COL11A1: variants seen among roughly 807,000 people sequenced by gnomAD.
The protein encoded by COL11A1 is collagen type XI alpha 1 chain.
A neutral mutation model predicts 265.2 loss-of-function variants in COL11A1; 74 were observed. That is an observed-to-expected ratio of 0.28 (90% CI 0.23 to 0.34). COL11A1 has a LOEUF of 0.34. COL11A1 is among the 10% of genes least tolerant of loss of function. The pLI is 1.00. For synonymous variants in COL11A1, 816 were observed against 727.6 expected, an observed-to-expected ratio of 1.12 and a Z score of -1.96; for missense variants, 2,165 against 2,263.6, an observed-to-expected ratio of 0.96 and a Z score of 0.88.
chr1:103,011,929 A>G (rs1557943086), intron 14 of COL11A1, among the ~76,000 whole-genome samples: 1 of 152,152 alleles, frequency 6.6e-6, no homozygotes, highest in Non-Finnish European at 1.5e-5. Flanking sequence ...TCTACAAGAG[A>G]AAATACTCTC....
At chr1:102,972,474 G>A (rs1662061581) in intron 36 of COL11A1, among the ~76,000 whole-genome samples, 1 of 151,956 alleles carries the variant, frequency 6.6e-6, no homozygotes, top group Admixed American at 6.6e-5. Flanking sequence ...TTAATATACT[G>A]CATTAAGAAT....
intron 66 of COL11A1, among the ~76,000 whole-genome samples, chr1:102,879,208 A>G (rs1037291610): frequency 1.1e-4 from 17 of 152,174 alleles, no homozygotes; most frequent in African/African-American, 4.1e-4. Flanking sequence ...TAAGATAGAG[A>G]TAACAATAAT....
Position 103,078,810 on chromosome 1 carries a change from C to G in COL11A1, c.336G>C (p.Gln112His). Reference protein sequence around the residue: ...LFTVKPKKGIQSFLLSIYNEH... With the variant: ...LFTVKPKKGIHSFLLSIYNEH... Reference sequence around the variant, plus strand: ...CATTATATATAGATAAAAGGAAAGACTGAATTCCTTTTTTTGGTTTTACTG... The same window carrying G: ...CATTATATATAGATAAAAGGAAAGAGTGAATTCCTTTTTTTGGTTTTACTG... The change falls in exon 3 of 67, where the codon CAG becomes CAC. Residue 112 changes from glutamine to histidine, a missense_variant. By Grantham distance (24) the Gln-to-His change is conservative (BLOSUM62 0). Coordinates refer to ENST00000370096, the MANE Select transcript of COL11A1 (RefSeq NM_001854.4). 1.9e-6 allele frequency: 3 copies of G among 1,612,262 alleles called. No homozygotes were observed. The highest frequency in any genetic ancestry group is 2.5e-6 in the Non-Finnish European group (3 of 1,178,764).
intron 30 of COL11A1, among the ~76,000 whole-genome samples, chr1:102,986,417 G>T (rs1663551272): frequency 8.9e-6 from 1 of 111,766 alleles, no homozygotes; most frequent in Admixed American, 1.2e-4. Flanking sequence ...CTGTTGTGGG[G>T]TGGGGGGAGG....
At chr1:102,892,883 AATC>A (rs1651944220) in intron 57 of COL11A1, among the ~76,000 whole-genome samples, 1 of 152,088 alleles carries the variant, frequency 6.6e-6, no homozygotes, top group Non-Finnish European at 1.5e-5. Flanking sequence ...GCTTAATAAT[AATC>A]TTCTAATAAG....
At chr1:103,000,162 A>G (rs1018531243) in intron 24 of COL11A1, among the ~76,000 whole-genome samples, 7 of 151,910 alleles carry the variant, frequency 4.6e-5, no homozygotes, top group Admixed American at 3.3e-4. Context: ...AAATCATGGT[A>G]GAAAATTTAA....
intron 3 of COL11A1, among the ~76,000 whole-genome samples, chr1:103,076,748 G>A (rs975168322): frequency 4.6e-5 from 7 of 151,952 alleles, no homozygotes; most frequent in Non-Finnish European, 1.0e-4. Context: ...ATTTATTTTC[G>A]TTCAAAGAAC....
At chr1:103,091,675 A>G (rs1381296716) in intron 1 of COL11A1, among the ~76,000 whole-genome samples, 1 of 152,088 alleles carries the variant, frequency 6.6e-6, no homozygotes, top group Non-Finnish European at 1.5e-5. Flanking sequence ...ATGTGTTGTC[A>G]TTAATAATGC....
intron 1 of COL11A1, among the ~76,000 whole-genome samples, chr1:103,088,737 C>T (rs1337195): frequency 0.31 from 47,123 of 151,940 alleles, 7,577 homozygotes; most frequent in African/African-American, 0.35. Context: ...AGGAGTTCCT[C>T]AGTGAAGAAG....
chr1:102,886,890 T>G lies in COL11A1; in HGVS notation c.4775A>C (p.His1592Pro). 1 of 1,613,880 alleles carries G rather than the reference T, an allele frequency of 6.2e-7. No individual in the cohort carries two copies. Residue 1592 changes from histidine (H) to proline (P), a missense_variant, in exon 63 of 67, where the codon CAT (histidine) becomes CCT (proline). Coordinates refer to ENST00000370096, the MANE Select transcript of COL11A1 (RefSeq NM_001854.4). ...CTGAGTACCCATTGGAAATTTCATA[T>G]GCTCAATGTCTTGTTTCAGGGAATT... ...SLNSLKQDIE[H>P]MKFPMGTQTN...
At chr1:102,963,300 G>A (rs1661094339) in intron 38 of COL11A1, among the ~76,000 whole-genome samples, 2 of 152,218 alleles carry the variant, frequency 1.3e-5, no homozygotes, top group African/African-American at 4.8e-5. Flanking sequence ...TCTAGGGAAT[G>A]TGGCATGGGA....
At chr1:102,903,404 A>T (rs1000271060) in intron 54 of COL11A1, among the ~76,000 whole-genome samples, 5 of 152,204 alleles carry the variant, frequency 3.3e-5, no homozygotes, top group African/African-American at 7.2e-5. Context: ...AATACTTTTG[A>T]ACACATTTCT....
chr1:102,997,209 T>C, intron 25 of COL11A1, 85 bp from the exon 26 acceptor site: 2 of 1,192,350 alleles, frequency 1.7e-6, no homozygotes, highest in South Asian at 1.2e-5. Context: ...TGTTATTAAA[T>C]CTACTAAGAT....
At chr1:102,912,299 C>T in intron 53 of COL11A1, 87 bp from the exon 54 acceptor site, 1 of 998,434 alleles carries the variant, frequency 1.0e-6, no homozygotes, top group Non-Finnish European at 1.5e-6. Flanking sequence ...GGAAACCAAC[C>T]CTCTTTCTTC....
At chr1:102,953,236 A>G (rs1660063563) in intron 41 of COL11A1, among the ~76,000 whole-genome samples, 1 of 152,178 alleles carries the variant, frequency 6.6e-6, no homozygotes, top group Non-Finnish European at 1.5e-5. Flanking sequence ...TCACAAAGGT[A>G]GAGGTTTTTG....
At chr1:103,000,649 A>G (rs1379160845) in intron 24 of COL11A1, among the ~76,000 whole-genome samples, 3 of 151,964 alleles carry the variant, frequency 2.0e-5, no homozygotes, top group Non-Finnish European at 4.4e-5. Context: ...ATCCTCATAC[A>G]TGGTTACTTG....
intron 41 of COL11A1, among the ~76,000 whole-genome samples, chr1:102,947,720 A>G (rs1049272154): frequency 2.0e-5 from 3 of 151,946 alleles, no homozygotes; most frequent in Non-Finnish European, 4.4e-5. Context: ...CTGCTTTTAT[A>G]GTAATTATCT....
At chr1:102,925,089 C>T (rs920946582) in intron 46 of COL11A1, among the ~76,000 whole-genome samples, 1 of 151,836 alleles carries the variant, frequency 6.6e-6, no homozygotes, top group African/African-American at 2.4e-5. Flanking sequence ...AATGTAAAAG[C>T]TCTAAATAAC....
intron 44 of COL11A1, among the ~76,000 whole-genome samples, chr1:102,936,817 C>G (rs1658194518): frequency 6.6e-6 from 1 of 152,010 alleles, no homozygotes; most frequent in Admixed American, 6.6e-5. Context: ...GTGCAATTGA[C>G]CCTTAAGAAA....
Sources: allele counts gnomAD v4.1 joint callset (sites outside exome capture counted in the v4.1 genomes callset), GRCh38; gene constraint gnomAD v4.1.1; transcripts MANE v1.5; gene names NCBI Gene and HGNC (gene_info 2026-07-23, HGNC 2026-07-21).